Variants in POGLUT3 observed in about 807,000 individuals in gnomAD.
POGLUT3 encodes KDEL (Lys-Asp-Glu-Leu) containing 2.
In POGLUT3, 48 loss-of-function variants were observed where a neutral mutation model predicts 54.3. The observed-to-expected ratio is 0.88, with a 90% CI of 0.70 to 1.12. The LOEUF (loss-of-function observed/expected upper bound fraction) is 1.12. Ranked by LOEUF, POGLUT3 falls within the 50% of genes most tolerant of loss-of-function variation. The pLI is 0.00. For missense variants in POGLUT3, 629 were observed against 618.7 expected (o/e 1.02, Z -0.18); for synonymous variants, 218 against 237.4 (o/e 0.92, Z 0.75).
intron 1 of POGLUT3, among the ~76,000 whole-genome samples, 200 bp downstream of exon 1, chr11:108,497,965 T>C (rs1168765309): frequency 6.6e-6 from 1 of 152,182 alleles, no homozygotes; most frequent in Admixed American, 6.5e-5. Context: ...GTTCATTCAT[T>C]CATTCATTCC....
chr11:108,476,156 T>C (rs1038606782), intron 7 of POGLUT3, among the ~76,000 whole-genome samples: 2 of 152,040 alleles, frequency 1.3e-5, no homozygotes, highest in African/African-American at 4.8e-5. Flanking sequence ...TATTTTTAGA[T>C]GCATTTTGCT....
chr11:108,498,206 G>C lies in POGLUT3; in HGVS notation c.161C>G (p.Ala54Gly). The C allele has an allele frequency of 6.6e-6, 10 of 1,520,820 alleles. No individual in the cohort carries two copies. The highest frequency in any genetic ancestry group is 7.9e-6 in the Non-Finnish European group (9 of 1,136,156). The allele number at this position is 1,520,820 out of a possible 1,614,324, so 94.2% of individuals were successfully genotyped here. A position where few individuals can be genotyped will look rare whatever the true frequency, so the allele number is the denominator to read the frequency against. ...VLPVRYFYLQAVNSEGQNLTR... is the reference protein window; with the variant it reads ...VLPVRYFYLQGVNSEGQNLTR... The stretch of plus-strand genomic sequence containing the variant: ...GAGGTTCTGGCCCTCCGAGTTGACC[G>C]CCTGCAGGTAGAAATAGCGGACCGG... Residue 54 changes from alanine (A) to glycine (G), a missense_variant, in exon 1 of 8, where the codon GCG (alanine) becomes GGG (glycine). Physicochemically the swap from Ala to Gly is moderately conservative, Grantham distance 60. Transcript: ENST00000323468.
At position 108,491,282 on chromosome 11, in the gene POGLUT3, T is replaced by C. The variant is rs896990464; in HGVS notation, c.203-115A>G. On this transcript the variant is annotated intron_variant, in intron 1 of 7. Transcript: ENST00000323468. ...TTGCTTTTTCCTGCAGCATTGGTGG[T>C]TAAAAAAAAATCATTTCCTTTGGAA... 1.8e-5 allele frequency: 14 copies of C among 794,734 alleles called. No homozygotes were observed. In the African/African-American group the frequency reaches 1.9e-4, roughly 11 times the overall value. 49.2% of individuals were successfully genotyped at this position (794,734 alleles called of 1,614,324 possible).
intron 7 of POGLUT3, among the ~76,000 whole-genome samples, chr11:108,477,100 G>T (rs562551085): frequency 6.6e-6 from 1 of 151,966 alleles, no homozygotes; most frequent in African/African-American, 2.4e-5. Context: ...ATGGAATAAA[G>T]ATGAAAATAT....
chr11:108,481,123 A>C, intron 5 of POGLUT3, 57 bp downstream of exon 5: 1 of 1,381,056 alleles, frequency 7.2e-7, no homozygotes, highest in Non-Finnish European at 9.9e-7. Flanking sequence ...CTATTTTGGT[A>C]GACTTTTAAT....
intron 3 of POGLUT3, among the ~76,000 whole-genome samples, 184 bp from the exon 4 acceptor site, chr11:108,482,406 G>A (rs1320713939): frequency 1.3e-5 from 2 of 152,156 alleles, no homozygotes; most frequent in African/African-American, 2.4e-5. Context: ...GATCCTGCAT[G>A]ACAAATTCAC....
chr11:108,486,401 G>A lies in POGLUT3; in HGVS notation c.440C>T (p.Pro147Leu). The A allele has an allele frequency of 6.2e-7, 1 of 1,614,082 alleles. No homozygotes were observed. Among genetic ancestry groups the A allele is most frequent in the Non-Finnish European group, 8.5e-7 (1 of 1,180,012 alleles). ...YHEYCECPED[P>L]QAWQKTLSCP... The stretch of plus-strand genomic sequence containing the variant: ...AGAAAGAGTCTTCTGCCAGGCCTGA[G>A]GATCTTCCGGACACTCACAGTACTC... The change falls in exon 3 of 8, where the codon CCT (proline) becomes CTT (leucine). Residue 147 changes from proline (P) to leucine (L), a missense_variant. By Grantham distance (98) the Pro-to-Leu change is moderately conservative. Transcript: ENST00000323468.
chr11:108,474,680 C>A lies in POGLUT3; in HGVS notation c.*147G>T. The A allele has an allele frequency of 1.4e-6, 1 of 705,084 alleles. No individual in the cohort carries two copies. Among genetic ancestry groups the A allele is most frequent in the Middle Eastern group, 4.3e-4 (1 of 2,346 alleles). The allele number at this position is 705,084 out of a possible 1,614,324, so 43.7% of individuals were successfully genotyped here. A position where few individuals can be genotyped will look rare whatever the true frequency, so the allele number is the denominator to read the frequency against. ...AGCATTTCAGATGAGGGATACTCAA[C>A]CAGTACTGCTATATCCATCTACATA... is the stretch of plus-strand genomic sequence containing the variant. On this transcript the variant is annotated 3_prime_UTR_variant, in exon 8 of 8. Coordinates refer to ENST00000323468, the MANE Select transcript of POGLUT3 (RefSeq NM_153705.5).
intron 6 of POGLUT3, 127 bp downstream of exon 6, chr11:108,479,174 C>G (rs1288254970): frequency 2.5e-5 from 16 of 651,176 alleles, no homozygotes; most frequent in Non-Finnish European, 3.5e-5. Flanking sequence ...TTCAAGGGAA[C>G]AGCAATTTCA....
chr11:108,475,395 A>C (rs1439337114), intron 7 of POGLUT3, among the ~76,000 whole-genome samples: 1 of 151,976 alleles, frequency 6.6e-6, no homozygotes, highest in Non-Finnish European at 1.5e-5. Context: ...TTTGAATGGC[A>C]ACAGGTCTGT....
At chr11:108,483,532 C>A (rs1351022764) in intron 3 of POGLUT3, among the ~76,000 whole-genome samples, 2 of 152,076 alleles carry the variant, frequency 1.3e-5, no homozygotes, top group African/African-American at 2.4e-5. Context: ...AAAACAAATC[C>A]CACTACAGTG....
Position 108,486,185 on chromosome 11 carries a change from T to C in POGLUT3, c.656A>G (p.Asp219Gly). The C allele has an allele frequency of 6.2e-7, 1 of 1,612,190 alleles. No individual in the cohort carries two copies. Among genetic ancestry groups the C allele is most frequent in the Non-Finnish European group, 8.5e-7 (1 of 1,178,464 alleles). Residue 219 changes from aspartate to glycine, a missense_variant, in exon 3 of 8, where the codon GAT becomes GGT. Transcript: ENST00000323468. Reference sequence around the variant, plus strand: ...TCTTGTCAATGATAACAAAATCTCATCAGAGAACATCTTGAAGTCTGTGTA... The same window carrying C: ...TCTTGTCAATGATAACAAAATCTCACCAGAGAACATCTTGAAGTCTGTGTA... ...GKYTDFKMFSDEILLSLTRKV... is the reference protein window; with the variant it reads ...GKYTDFKMFSGEILLSLTRKV...
chr11:108,490,607 GT>G (rs1352053939), intron 2 of POGLUT3, among the ~76,000 whole-genome samples: 1 of 152,022 alleles, frequency 6.6e-6, no homozygotes, highest in African/African-American at 2.4e-5. Context: ...GCAAAATAAA[GT>G]TTTTTCAGAC....
rs564530328 is a variant in POGLUT3 at position 108,482,091 on chromosome 11, G to C, written c.816C>G (p.Val272=). The C allele has an allele frequency of 1.9e-6, 3 of 1,614,018 alleles. No individual in the cohort carries two copies. The highest frequency in any genetic ancestry group is 2.5e-6 in the Non-Finnish European group (3 of 1,180,016). Residue 272 remains valine, a synonymous_variant, in exon 4 of 8, where the codon GTC becomes GTG. Coordinates refer to ENST00000323468, the MANE Select transcript of POGLUT3 (RefSeq NM_153705.5). ...WCGSLDSRDV[V]LPTYDITHSM... ...AGTGGGTGATGTCATACGTTGGAAG[G>C]ACAACATCTCTTGAATCCAGAGAGC...
chr11:108,473,674 C>T lies in POGLUT3; in HGVS notation c.*1153G>A, dbSNP rs1052848148. On this transcript the variant is annotated 3_prime_UTR_variant, in exon 8 of 8. Coordinates refer to ENST00000323468, the MANE Select transcript of POGLUT3 (RefSeq NM_153705.5). ...GGTTTTCAGTGTTTTCAAGGATCCC[C>T]TTTTCAGCTTAAAAATAATGAATGC... 1 of 152,298 alleles carries T rather than the reference C, an allele frequency of 6.6e-6. No homozygotes were observed. The highest frequency in any genetic ancestry group is 1.9e-4 in the East Asian group (1 of 5,176). The allele number at this position is 152,298 out of a possible 1,614,324, so 9.4% of individuals were successfully genotyped here.
Position 108,479,323 on chromosome 11 carries a change from A to C in POGLUT3, c.1271T>G (p.Leu424Ter). Residue 424 changes from leucine (L) to a stop codon, truncating the protein, a stop_gained, in exon 6 of 8, where the codon TTA (leucine) becomes TGA (stop). Coordinates refer to ENST00000323468, the MANE Select transcript of POGLUT3 (RefSeq NM_153705.5). LOFTEE classifies it high-confidence loss of function. ...TACCTTAGCCCATTTAACTTTCTCT[A>C]ATAAATCACTCAGATTTCTTTTAAT... is the stretch of plus-strand genomic sequence containing the variant. Reference protein sequence around the residue: ...VPIKRNLSDLLEKVKWAKEND... With the variant: ...VPIKRNLSDL 6.2e-7 allele frequency: 1 copy of C among 1,610,344 alleles called. No individual in the cohort carries two copies. The highest frequency in any genetic ancestry group is 1.3e-5 in the African/African-American group (1 of 74,870).
chr11:108,475,661 G>C (rs1328516833), intron 7 of POGLUT3, among the ~76,000 whole-genome samples: 2 of 151,508 alleles, frequency 1.3e-5, no homozygotes, highest in Non-Finnish European at 2.9e-5. Context: ...TAGAGATGGC[G>C]TTTCACCATG....
At chr11:108,494,730 T>G (rs746543966) in intron 1 of POGLUT3, among the ~76,000 whole-genome samples, 3 of 152,244 alleles carry the variant, frequency 2.0e-5, no homozygotes, top group Non-Finnish European at 4.4e-5. Context: ...ATATTATTAC[T>G]GATGAAGGTA....
At chr11:108,497,967 A>T (rs1400981665) in intron 1 of POGLUT3, among the ~76,000 whole-genome samples, 198 bp downstream of exon 1, 1 of 152,152 alleles carries the variant, frequency 6.6e-6, no homozygotes, top group Non-Finnish European at 1.5e-5. Flanking sequence ...TCATTCATTC[A>T]TTCATTCCAC....
Sources: allele counts gnomAD v4.1 joint callset (sites outside exome capture counted in the v4.1 genomes callset), GRCh38; gene constraint gnomAD v4.1.1; transcripts MANE v1.5; gene names NCBI Gene and HGNC (gene_info 2026-07-23, HGNC 2026-07-21).